The following DRAM1 variants were observed in gnomAD, a reference collection of about 807,000 sequenced individuals.
DRAM1 encodes the protein DNA damage-regulated autophagy modulator protein 1.
Under a neutral mutation model 28.5 loss-of-function variants are expected in DRAM1, and 25 were observed. The ratio of observed to expected loss-of-function variants is 0.88; its 90% CI spans 0.64 to 1.23. DRAM1 has a LOEUF of 1.23. Ranked by LOEUF, DRAM1 falls within the 50% of genes most tolerant of loss-of-function variation. The pLI, the probability that DRAM1 is intolerant of heterozygous loss-of-function variation, is 0.00. For synonymous variants in DRAM1, 113 were observed against 114.2 expected, an observed-to-expected ratio of 0.99 and a Z score of 0.07; for missense variants, 249 against 299.2, an observed-to-expected ratio of 0.83 and a Z score of 1.24.
At position 101,913,323 on chromosome 12, in the gene DRAM1, G is replaced by A. The variant is rs149646517; in HGVS notation, c.521-851G>A. On this transcript the variant is annotated intron_variant, in intron 4 of 6. Transcript: ENST00000258534. ...ACCCAACAGAAGTCTGTTTTTTAAA[G>A]ATAATAGTTTGAGTTTCTGTAGCTT... is the stretch of plus-strand genomic sequence containing the variant. 3.5e-3 allele frequency among the ~76,000 whole-genome samples: 536 copies of A among 152,232 alleles called. 3 individuals are homozygous for A. The highest frequency in any genetic ancestry group is 0.012 in the African/African-American group (508 of 41,520).
rs759897711 is a variant in DRAM1, at chr12:101,877,968, C to T, written c.131+48C>T. ...GGGCCCCAGGAGCAGGCACAGGGAC[C>T]ACAGGGAGCGCTGCCGACGGGGAGG... On this transcript the variant is annotated intron_variant, in intron 1 of 6. Coordinates refer to ENST00000258534, the MANE Select transcript of DRAM1 (RefSeq NM_018370.3). This position sits in a 1 kb window ranked among gnomAD's most constrained non-coding sequence, Gnocchi z 4.1. The T allele has an allele frequency of 1.9e-5, 27 of 1,409,314 alleles. No individual in the cohort carries two copies. The highest frequency in any genetic ancestry group is 2.9e-5 in the East Asian group (1 of 34,074). The allele number at this position is 1,409,314 out of a possible 1,614,324, so 87.3% of individuals were successfully genotyped here. A position where few individuals can be genotyped will look rare whatever the true frequency, so the allele number is the denominator to read the frequency against.
At chr12:101,920,826 A>G (rs4764848) in intron 6 of DRAM1, among the ~76,000 whole-genome samples, 16,858 of 152,094 alleles carry the variant, frequency 0.11, 1,311 homozygotes, top group African/African-American at 0.22. Context: ...CAGGAGAATC[A>G]CTTGAACCCG....
chr12:101,920,297 C>CTTTTTTTTTTTTTTTTTTTTTTTT lies in DRAM1; in HGVS notation c.672+115_672+116insTTTTTTTTTTTTTTTTTTTTTTTT, dbSNP rs373899697. ...TTTGCATTTTTAAAAAGAGCACTTT[C>CTTTTTTTTTTTTTTTTTTTTTTTT]TTTTTTTTTTTTTTTTTTTGAGACG... On this transcript the variant is annotated intron_variant, in intron 6 of 6. Transcript: ENST00000258534. The CTTTTTTTTTTTTTTTTTTTTTTTT allele has an allele frequency of 4.2e-5, 10 of 238,634 alleles. 2 individuals are homozygous for CTTTTTTTTTTTTTTTTTTTTTTTT. The African/African-American group carries it at 9.5e-4, about 23-fold the overall frequency. 14.8% of individuals were successfully genotyped at this position (238,634 alleles called of 1,614,324 possible).
Position 101,901,868 on chromosome 12 carries a change from CA to C in DRAM1, c.342+452del, listed in dbSNP as rs57574986. Among the ~76,000 whole-genome samples, 321 of 114,306 alleles carry C rather than the reference CA, an allele frequency of 2.8e-3. 1 individual carries two copies. Among genetic ancestry groups the C allele is most frequent in the East Asian group, 0.015 (56 of 3,772 alleles). 75.0% of individuals were successfully genotyped at this position (114,306 alleles called of 152,430 possible). A position where few individuals can be genotyped will look rare whatever the true frequency, so the allele number is the denominator to read the frequency against. On this transcript the variant is annotated intron_variant, in intron 3 of 6. Transcript: ENST00000258534. ...CACTTGACAGAGCGAGACTCTATCTCAAAAAAAAAAAAAAAAAGCATTTGAA... is the reference window on the plus strand; with the variant it reads ...CACTTGACAGAGCGAGACTCTATCTCAAAAAAAAAAAAAAAAGCATTTGAA...
At chr12:101,880,710 G>A (rs567973646) in intron 1 of DRAM1, among the ~76,000 whole-genome samples, 6 of 152,176 alleles carry the variant, frequency 3.9e-5, no homozygotes, top group Non-Finnish European at 7.3e-5. Flanking sequence ...GTTCATAGAG[G>A]TGTCTGATGT....
At chr12:101,913,604 G>A (rs1351095578) in intron 4 of DRAM1, among the ~76,000 whole-genome samples, 4 of 151,410 alleles carry the variant, frequency 2.6e-5, no homozygotes, top group Non-Finnish European at 5.9e-5. Context: ...CTATTCAGGA[G>A]GCTGAGGCAG....
intron 1 of DRAM1, chr12:101,890,365 C>A (rs1463931897): frequency 2.0e-5 from 4 of 197,946 alleles, no homozygotes; most frequent in African/African-American, 6.9e-5. Flanking sequence ...CAGGTGAGAA[C>A]CACCGAGCCC....
chr12:101,888,887 G>A (rs1035167251), intron 1 of DRAM1, among the ~76,000 whole-genome samples: 5 of 142,166 alleles, frequency 3.5e-5, no homozygotes, highest in South Asian at 2.1e-4. Context: ...TCACTGCAGC[G>A]TCTGCCTTCC....
intron 1 of DRAM1, among the ~76,000 whole-genome samples, chr12:101,893,344 G>A (rs1158619139): frequency 6.6e-6 from 1 of 151,864 alleles, no homozygotes; most frequent in Non-Finnish European, 1.5e-5. Context: ...TTTTTGTTTT[G>A]GTTCTTTTGG....
At chr12:101,893,770 A>ATT (rs1873232122) in intron 1 of DRAM1, among the ~76,000 whole-genome samples, 1 of 142,362 alleles carries the variant, frequency 7.0e-6, no homozygotes, top group African/African-American at 3.0e-5. Flanking sequence ...TGATTAGGTC[A>ATT]ATTTTTTTTT....
intron 1 of DRAM1, among the ~76,000 whole-genome samples, chr12:101,893,331 G>T (rs1457051489): frequency 1.3e-5 from 2 of 152,014 alleles, no homozygotes; most frequent in African/African-American, 4.8e-5. Flanking sequence ...TATTTATTTC[G>T]TTTTTTTGTT....
chr12:101,877,716 C>T lies in DRAM1; in HGVS notation c.-74C>T. On this transcript the variant is annotated 5_prime_UTR_variant, in exon 1 of 7. Transcript: ENST00000258534. This position sits in a 1 kb window ranked among gnomAD's most constrained non-coding sequence, Gnocchi z 4.1. ...GTGAGTGTACGCGCCCGGCCGCCGC[C>T]TCCAGGCAGCCCGGAGCAACCCGGC... 2 of 1,230,724 alleles carry T rather than the reference C, an allele frequency of 1.6e-6. No individual in the cohort carries two copies. Among genetic ancestry groups the T allele is most frequent in the Non-Finnish European group, 2.0e-6 (2 of 978,584 alleles). The allele number at this position is 1,230,724 out of a possible 1,614,324, so 76.2% of individuals were successfully genotyped here.
At chr12:101,915,457 G>A (rs1421215252) in intron 5 of DRAM1, among the ~76,000 whole-genome samples, 2 of 152,156 alleles carry the variant, frequency 1.3e-5, no homozygotes, top group Non-Finnish European at 2.9e-5. Context: ...CACTGCAGCC[G>A]GGGATAACTG....
At chr12:101,906,799 GA>G (rs1370546493) in intron 3 of DRAM1, among the ~76,000 whole-genome samples, 5 of 147,166 alleles carry the variant, frequency 3.4e-5, no homozygotes, top group Non-Finnish European at 7.4e-5. Flanking sequence ...AGGTTGCAAT[GA>G]GCTGAGATCT....
chr12:101,919,880 A>G (rs1237715377), intron 5 of DRAM1: 3 of 361,514 alleles, frequency 8.3e-6, no homozygotes, highest in Non-Finnish European at 1.5e-5. Context: ...ATCTTAAAAC[A>G]AGAGTTTGTG....
chr12:101,882,352 C>A lies in DRAM1; in HGVS notation c.131+4432C>A, dbSNP rs551231939. 2.0e-5 allele frequency among the ~76,000 whole-genome samples: 3 copies of A among 150,738 alleles called. 1 individual carries two copies. In the East Asian group the frequency reaches 6.4e-4, roughly 32 times the overall value. On this transcript the variant is annotated intron_variant, in intron 1 of 6. Transcript: ENST00000258534. The stretch of plus-strand genomic sequence containing the variant: ...GTCTCGATCTCCTGACCTTGTGATC[C>A]GCCCGCCTCAGCCTCCCAAAGTGCT...
chr12:101,905,091 G>T (rs764061980), intron 3 of DRAM1, among the ~76,000 whole-genome samples: 1 of 151,878 alleles, frequency 6.6e-6, no homozygotes, highest in Non-Finnish European at 1.5e-5. Flanking sequence ...GTAGAGATGG[G>T]GTCTTGCTAT....
chr12:101,909,790 C>T (rs1389552058), intron 4 of DRAM1, among the ~76,000 whole-genome samples: 2 of 151,884 alleles, frequency 1.3e-5, no homozygotes, highest in African/African-American at 4.8e-5. Flanking sequence ...TTTTTCTTTT[C>T]TTTAATGAAG....
At chr12:101,896,812 A>G (rs1873391038) in intron 1 of DRAM1, among the ~76,000 whole-genome samples, 1 of 151,118 alleles carries the variant, frequency 6.6e-6, no homozygotes, top group African/African-American at 2.4e-5. Context: ...TTTGAGACAG[A>G]GTTTCACTGT....
Sources: allele counts gnomAD v4.1 joint callset (sites outside exome capture counted in the v4.1 genomes callset), GRCh38; gene constraint gnomAD v4.1.1; non-coding constraint Gnocchi (gnomAD v3.1); transcripts MANE v1.5; gene names NCBI Gene and HGNC (gene_info 2026-07-23, HGNC 2026-07-21).